Variants in PRCP observed in about 807,000 individuals in gnomAD.
The protein encoded by PRCP is prolylcarboxypeptidase.
A neutral mutation model predicts 54.2 loss-of-function variants in PRCP; 46 were observed. The ratio of observed to expected loss-of-function variants is 0.85; its 90% CI spans 0.67 to 1.09. The LOEUF (loss-of-function observed/expected upper bound fraction) is 1.09, where lower values mean the gene tolerates loss of function less well. Among genes scored for constraint, PRCP ranks in the 50% least tolerant of loss-of-function variants. The probability of loss-of-function intolerance (pLI) is 0.00; values close to 1 mark genes in which losing one functional copy is unlikely to be tolerated. For synonymous variants in PRCP, 240 were observed against 212.2 expected (o/e 1.13, Z -1.14); for missense variants, 613 against 596.8 (o/e 1.03, Z -0.28).
At chr11:82,829,092 G>A (rs1359694177) in intron 8 of PRCP, 1 of 152,136 alleles carries the variant, frequency 6.6e-6, no homozygotes, top group African/African-American at 2.4e-5. Context: ...TCTAGCCTGA[G>A]TTACTATAAT....
At chr11:82,887,598 G>A (rs1399728103) in intron 1 of PRCP, among the ~76,000 whole-genome samples, 1 of 152,088 alleles carries the variant, frequency 6.6e-6, no homozygotes, top group African/African-American at 2.4e-5. Flanking sequence ...AAGAACACTG[G>A]AAGAGTCTCA....
intron 8 of PRCP, among the ~76,000 whole-genome samples, chr11:82,833,136 T>A (rs1858429137): frequency 6.6e-6 from 1 of 152,204 alleles, no homozygotes; most frequent in Non-Finnish European, 1.5e-5. Flanking sequence ...TGAGCATTCA[T>A]TATGCGCCAG....
chr11:82,830,189 T>C (rs1858342651), intron 8 of PRCP: 1 of 152,148 alleles, frequency 6.6e-6, no homozygotes, highest in African/African-American at 2.4e-5. Context: ...GCGATGTCAT[T>C]ATAGTTATTA....
At chr11:82,849,019 A>C in intron 6 of PRCP, 30 bp downstream of exon 6, 1 of 1,595,238 alleles carries the variant, frequency 6.3e-7, no homozygotes, top group Non-Finnish European at 8.6e-7. Context: ...TGTGTTATTA[A>C]AAAATGATGA....
At chr11:82,826,332 C>T (rs531282944) in intron 8 of PRCP, 75 of 152,300 alleles carry the variant, frequency 4.9e-4, no homozygotes, top group African/African-American at 1.8e-3. Context: ...AATAATATTT[C>T]ATTTATGGAT....
At chr11:82,899,645 C>T (rs1860205084) in intron 1 of PRCP, among the ~76,000 whole-genome samples, 1 of 152,064 alleles carries the variant, frequency 6.6e-6, no homozygotes, top group South Asian at 2.1e-4. Flanking sequence ...TAATCCCCAC[C>T]CCCACCACAA....
chr11:82,853,076 C>G, intron 3 of PRCP, 101 bp downstream of exon 3: 1 of 743,816 alleles, frequency 1.3e-6, no homozygotes, highest in Non-Finnish European at 2.1e-6. Context: ...AGCTTTTAGG[C>G]ATTTCAAATT....
At chr11:82,860,168 G>A (rs1169931199) in intron 1 of PRCP, 51 bp from the exon 2 acceptor site, 2 of 1,287,226 alleles carry the variant, frequency 1.6e-6, no homozygotes, top group South Asian at 3.7e-5. Flanking sequence ...AATAAAATGA[G>A]ATCAACATAA....
intron 2 of PRCP, 74 bp downstream of exon 2, chr11:82,859,903 T>C (rs1859168309): frequency 2.1e-6 from 3 of 1,408,190 alleles, no homozygotes; most frequent in African/African-American, 1.5e-5. Context: ...GTCATACATA[T>C]TGCAAAACAT....
At chr11:82,891,316 C>A (rs549575364) in intron 1 of PRCP, among the ~76,000 whole-genome samples, 1 of 152,164 alleles carries the variant, frequency 6.6e-6, no homozygotes, top group Non-Finnish European at 1.5e-5. Context: ...CACTTCTCAG[C>A]CTCCACCACT....
chr11:82,886,274 T>C (rs1304417806), intron 1 of PRCP, among the ~76,000 whole-genome samples: 3 of 152,132 alleles, frequency 2.0e-5, no homozygotes, highest in Non-Finnish European at 4.4e-5. Context: ...AGCCATGAAC[T>C]TCCTGAATTT....
chr11:82,869,844 T>C (rs1050406915), intron 1 of PRCP, among the ~76,000 whole-genome samples: 4 of 152,198 alleles, frequency 2.6e-5, no homozygotes, highest in African/African-American at 9.6e-5. Flanking sequence ...TGGATGTGCC[T>C]TTTGCCCAGT....
chr11:82,894,682 G>A (rs1860078974), intron 1 of PRCP, among the ~76,000 whole-genome samples: 1 of 152,198 alleles, frequency 6.6e-6, no homozygotes, highest in East Asian at 1.9e-4. Flanking sequence ...CCTGCAGTAT[G>A]CTGACAGAGG....
chr11:82,893,513 C>T (rs558326710), intron 1 of PRCP, among the ~76,000 whole-genome samples: 24 of 152,144 alleles, frequency 1.6e-4, no homozygotes, highest in Middle Eastern at 3.4e-3. Context: ...TCTTGCTCGC[C>T]GAGTTTGATG....
chr11:82,825,754 G>A lies in PRCP; in HGVS notation c.1275-632C>T, dbSNP rs549481730. On this transcript the variant is annotated intron_variant, in intron 8 of 8. Coordinates refer to ENST00000313010, the MANE Select transcript of PRCP (RefSeq NM_005040.4). ...AAAATGTCACCAGGATCTGGAATCC[G>A]AAAATTTGGGCATTACACGAAAATC... 5 of 152,342 alleles carry A rather than the reference G, an allele frequency of 3.3e-5. No individual in the cohort carries two copies. In the East Asian group the frequency reaches 5.8e-4, roughly 18 times the overall value. 9.4% of individuals were successfully genotyped at this position (152,342 alleles called of 1,614,324 possible). A position where few individuals can be genotyped will look rare whatever the true frequency, so the allele number is the denominator to read the frequency against.
At chr11:82,900,625 C>T (rs1028729277), upstream of PRCP, 23 of 692,372 alleles carry the variant, frequency 3.3e-5, no homozygotes, top group Admixed American at 4.7e-4. Context: ...ACTTTCCTCT[C>T]GTGCCATCTG....
At chr11:82,864,372 G>T (rs993405500) in intron 1 of PRCP, among the ~76,000 whole-genome samples, 2 of 152,226 alleles carry the variant, frequency 1.3e-5, no homozygotes, top group Non-Finnish European at 2.9e-5. Context: ...AGGCACACTA[G>T]GGGCAGCATG....
intron 1 of PRCP, among the ~76,000 whole-genome samples, chr11:82,878,586 G>A (rs1859662227): frequency 6.6e-6 from 1 of 152,168 alleles, no homozygotes; most frequent in South Asian, 2.1e-4. Flanking sequence ...TTGTCATTAT[G>A]ATGTTAGCTG....
intron 6 of PRCP, among the ~76,000 whole-genome samples, chr11:82,844,500 G>T (rs1459377973): frequency 2.0e-5 from 3 of 152,078 alleles, no homozygotes; most frequent in Non-Finnish European, 2.9e-5. Flanking sequence ...ACTTTGGGAG[G>T]CTGAGGCGGG....
Sources: allele counts gnomAD v4.1 joint callset (sites outside exome capture counted in the v4.1 genomes callset), GRCh38; gene constraint gnomAD v4.1.1; transcripts MANE v1.5; gene names NCBI Gene and HGNC (gene_info 2026-07-23, HGNC 2026-07-21).